SLC5A11: variants seen among roughly 807,000 people sequenced by gnomAD.
The protein encoded by SLC5A11 is sodium/myo-inositol cotransporter 2.
SLC5A11 carries 48 observed loss-of-function variants against 69.8 expected under a neutral mutation model. The observed-to-expected ratio is 0.69, with a 90% CI of 0.55 to 0.87. The LOEUF is 0.87. Ranked by LOEUF, SLC5A11 falls within the 40% of genes least tolerant of loss-of-function variation. The pLI is 0.00. For missense variants in SLC5A11, 784 were observed against 866.1 expected, an observed-to-expected ratio of 0.91 and a Z score of 1.19; for synonymous variants, 319 against 342.4, an observed-to-expected ratio of 0.93 and a Z score of 0.75.
chr16:24,875,820 C>T (rs567577363), intron 6 of SLC5A11, 89 bp downstream of exon 7: 19 of 1,031,370 alleles, frequency 1.8e-5, no homozygotes, highest in African/African-American at 3.2e-5. Context: ...TCCTCGCTAT[C>T]CCCTTTCTCC....
At chr16:24,877,885 G>T (rs1050450916) in intron 7 of SLC5A11, among the ~76,000 whole-genome samples, 33 of 152,240 alleles carry the variant, frequency 2.2e-4, no homozygotes, top group Admixed American at 2.2e-3. Context: ...TCAGGAGGCC[G>T]AGGCAGGAGA....
intron 8 of SLC5A11, among the ~76,000 whole-genome samples, chr16:24,889,849 G>C (rs1178060697): frequency 6.6e-6 from 1 of 152,044 alleles, no homozygotes; most frequent in African/African-American, 2.4e-5. Flanking sequence ...TGCCTGGCCA[G>C]TCTTACAATT....
intron 5 of SLC5A11, among the ~76,000 whole-genome samples, chr16:24,872,675 G>C (rs1254362086): frequency 6.8e-6 from 1 of 147,182 alleles, no homozygotes; most frequent in Non-Finnish European, 1.5e-5. Flanking sequence ...ACCACACCCA[G>C]CTAATTTTTG....
chr16:24,908,370 G>A (rs2050231503), intron 13 of SLC5A11, among the ~76,000 whole-genome samples: 1 of 152,012 alleles, frequency 6.6e-6, no homozygotes, highest in African/African-American at 2.4e-5. Flanking sequence ...AGGCCGAGGT[G>A]GGTGGATCAC....
At chr16:24,855,193 C>T (rs180689143) in intron 1 of SLC5A11, among the ~76,000 whole-genome samples, 2 of 152,172 alleles carry the variant, frequency 1.3e-5, no homozygotes, top group East Asian at 3.9e-4. Context: ...CCTCTGTCCC[C>T]AGATTCCTAC....
intron 9 of SLC5A11, among the ~76,000 whole-genome samples, chr16:24,895,085 A>C (rs1450879436): frequency 6.6e-6 from 1 of 152,010 alleles, no homozygotes; most frequent in Non-Finnish European, 1.5e-5. Context: ...TGATTGCACC[A>C]CTGCACTCCA....
At chr16:24,849,593 A>AAAAAAAAAAAAAAAAAATATATATATAT in intron 1 of SLC5A11, among the ~76,000 whole-genome samples, 1 of 35,910 alleles carries the variant, frequency 2.8e-5, no homozygotes, top group Non-Finnish European at 5.6e-5. Flanking sequence ...AAAAAAAAAA[A>AAAAAAAAAAAAAAAAAATATATATATAT]ATATATATAT....
intron 5 of SLC5A11, among the ~76,000 whole-genome samples, chr16:24,873,320 C>T (rs2084279527): frequency 6.7e-6 from 1 of 148,940 alleles, no homozygotes; most frequent in Admixed American, 6.7e-5. Context: ...TATAATGTAC[C>T]CTGCAAGCCT....
At chr16:24,873,826 ATTT>A (rs59598384) in intron 5 of SLC5A11, among the ~76,000 whole-genome samples, 2 of 138,156 alleles carry the variant, frequency 1.4e-5, no homozygotes, top group Non-Finnish European at 3.1e-5. Context: ...AACTGGAGTA[ATTT>A]TTTTTTTTTT....
intron 7 of SLC5A11, among the ~76,000 whole-genome samples, chr16:24,882,338 A>G (rs928603930): frequency 6.6e-6 from 1 of 152,206 alleles, no homozygotes; most frequent in Non-Finnish European, 1.5e-5. Flanking sequence ...CACCACACTC[A>G]GGCTGACTCA....
At chr16:24,875,713 C>T (rs1332663990) in exon 6 of SLC5A11, 2 of 1,613,732 alleles carry the variant, frequency 1.2e-6, no homozygotes, top group Non-Finnish European at 8.5e-7. Flanking sequence ...TATTTATCTA[C>T]ATCTTCACCA....
exon 11 of SLC5A11, chr16:24,906,724 C>T (rs2050090220): frequency 6.2e-7 from 1 of 1,613,744 alleles, no homozygotes; most frequent in African/African-American, 1.3e-5. Flanking sequence ...GCTGTTCGGA[C>T]ATCGCGTATC....
intron 6 of SLC5A11, 57 bp from the exon 8 acceptor site, chr16:24,877,201 G>A (rs1810808275): frequency 6.3e-7 from 1 of 1,599,734 alleles, no homozygotes. Flanking sequence ...TGCTGCAAAT[G>A]TCCACTCATT....
intron 5 of SLC5A11, among the ~76,000 whole-genome samples, chr16:24,874,851 G>A (rs986401089): frequency 7.9e-5 from 12 of 152,112 alleles, no homozygotes; most frequent in Admixed American, 3.3e-4. Flanking sequence ...AAAGTGTTGG[G>A]ATTACAGGCC....
intron 3 of SLC5A11, among the ~76,000 whole-genome samples, chr16:24,869,018 T>TCA (rs2047103361): frequency 6.6e-6 from 1 of 151,898 alleles, no homozygotes; most frequent in African/African-American, 2.4e-5. Flanking sequence ...TAGGCATGTG[T>TCA]CACCACGCTC....
intron 10 of SLC5A11, among the ~76,000 whole-genome samples, chr16:24,905,636 G>A (rs1290527870): frequency 1.4e-4 from 11 of 78,202 alleles, no homozygotes; most frequent in African/African-American, 3.1e-4. Flanking sequence ...ACACGCGCGC[G>A]CGCGCACACA....
chr16:24,889,006 A>G (rs1194885707), intron 8 of SLC5A11, among the ~76,000 whole-genome samples: 1 of 151,536 alleles, frequency 6.6e-6, no homozygotes, highest in Non-Finnish European at 1.5e-5. Flanking sequence ...CATGTGGGCC[A>G]GGCTGGTCTT....
At chr16:24,870,406 AAAAC>A (rs1189275506) in intron 4 of SLC5A11, among the ~76,000 whole-genome samples, 6 of 148,358 alleles carry the variant, frequency 4.0e-5, no homozygotes, top group African/African-American at 1.3e-4. Flanking sequence ...TCCCCACAAA[AAAAC>A]AAAACAAAAC....
intron 4 of SLC5A11, among the ~76,000 whole-genome samples, chr16:24,871,395 C>G (rs1224970591): frequency 1.3e-5 from 2 of 152,102 alleles, no homozygotes; most frequent in African/African-American, 4.8e-5. Context: ...TTCAGCCTCC[C>G]AAGTAGCTGG....
Sources: allele counts gnomAD v4.1 joint callset (sites outside exome capture counted in the v4.1 genomes callset), GRCh38; gene constraint gnomAD v4.1.1; transcripts MANE v1.5; gene names NCBI Gene and HGNC (gene_info 2026-07-23, HGNC 2026-07-21).